The following TEAD1 variants were observed in gnomAD, a reference collection of about 807,000 sequenced individuals.
TEAD1 encodes the protein TEA domain transcription factor 1.
TEAD1 carries 9 observed loss-of-function variants against 54.9 expected under a neutral mutation model. The ratio of observed to expected loss-of-function variants is 0.16; its 90% CI spans 0.10 to 0.29. The LOEUF (loss-of-function observed/expected upper bound fraction) is 0.29, where lower values mean the gene tolerates loss of function less well. Among genes scored for constraint, TEAD1 ranks in the 10% least tolerant of loss-of-function variants. The pLI, the probability that TEAD1 is intolerant of heterozygous loss-of-function variation, is 1.00. For synonymous variants in TEAD1, 200 were observed against 187.8 expected (o/e 1.07, Z -0.53); for missense variants, 387 against 535.9 (o/e 0.72, Z 2.74).
At position 12,889,638 on chromosome 11, in the gene TEAD1, A is replaced by G. The variant is rs1948156476; in HGVS notation, c.699+6513A>G. Among the ~76,000 whole-genome samples, 3 of 152,258 alleles carry G rather than the reference A, an allele frequency of 2.0e-5. No homozygotes were observed. In the South Asian group the frequency reaches 6.2e-4, roughly 32 times the overall value. On this transcript the variant is annotated intron_variant, in intron 9 of 12. Coordinates refer to ENST00000527636, the MANE Select transcript of TEAD1 (RefSeq NM_021961.6). ...GAGGAAGCACTCACTGCCTTGCAGA[A>G]GAGAAGTTCCATGATACAGTAGAGG...
rs113341570 is a variant in TEAD1 at position 12,731,023 on chromosome 11, G to A, written c.-54-33156G>A. Reference sequence around the variant, plus strand: ...GGCCCCTTTCCTACATAGTTCTAACGCATCCTGGAGGCACAGATCTTTTGA... The same window carrying A: ...GGCCCCTTTCCTACATAGTTCTAACACATCCTGGAGGCACAGATCTTTTGA... On this transcript the variant is annotated intron_variant, in intron 2 of 12. Coordinates refer to ENST00000527636, the MANE Select transcript of TEAD1 (RefSeq NM_021961.6). Among the ~76,000 whole-genome samples, 341 of 152,000 alleles carry A rather than the reference G, an allele frequency of 2.2e-3. 1 individual carries two copies. Among genetic ancestry groups the A allele is most frequent in the African/African-American group, 7.4e-3 (307 of 41,470 alleles).
At chr11:12,776,835 T>C (rs1323295357) in intron 3 of TEAD1, among the ~76,000 whole-genome samples, 2 of 151,068 alleles carry the variant, frequency 1.3e-5, no homozygotes, top group Non-Finnish European at 3.0e-5. Flanking sequence ...GTTTTGCTTT[T>C]GTTGCCCAGG....
intron 2 of TEAD1, among the ~76,000 whole-genome samples, chr11:12,680,569 TG>T (rs1943199309): frequency 6.6e-6 from 1 of 152,202 alleles, no homozygotes; most frequent in Admixed American, 6.5e-5. Context: ...CCTCCCCCAC[TG>T]GGCAGCTCCA....
chr11:12,751,173 G>A (rs1179853238), intron 2 of TEAD1, among the ~76,000 whole-genome samples: 3 of 151,778 alleles, frequency 2.0e-5, no homozygotes, highest in Non-Finnish European at 4.4e-5. Context: ...ATGGTAGCAT[G>A]TGCCTGTAGT....
chr11:12,749,033 C>A (rs1944810073), intron 2 of TEAD1, among the ~76,000 whole-genome samples: 1 of 152,108 alleles, frequency 6.6e-6, no homozygotes, highest in African/African-American at 2.4e-5. Flanking sequence ...CCTGGGAATC[C>A]TTTTGGATTT....
At chr11:12,910,750 T>TTC (rs1948602263) in intron 10 of TEAD1, among the ~76,000 whole-genome samples, 1 of 146,300 alleles carries the variant, frequency 6.8e-6, no homozygotes, top group African/African-American at 2.5e-5. Flanking sequence ...TAATTTGCTT[T>TTC]TTTTTTTTTT....
chr11:12,930,573 T>C (rs1421154693), intron 12 of TEAD1, among the ~76,000 whole-genome samples: 7 of 152,146 alleles, frequency 4.6e-5, no homozygotes, highest in Admixed American at 3.9e-4. Flanking sequence ...TGGAATTCAG[T>C]TGGGTAATAA....
chr11:12,889,573 G>T (rs1374089804), intron 9 of TEAD1, among the ~76,000 whole-genome samples: 1 of 152,180 alleles, frequency 6.6e-6, no homozygotes, highest in Non-Finnish European at 1.5e-5. Context: ...AAGAGTTGGG[G>T]GTGGAGAAAG....
chr11:12,856,660 G>T (rs1947388519), intron 3 of TEAD1, among the ~76,000 whole-genome samples: 1 of 152,184 alleles, frequency 6.6e-6, no homozygotes, highest in African/African-American at 2.4e-5. Context: ...CAAGGGAAAT[G>T]AGTTTTCTTT....
chr11:12,805,437 A>G (rs1946149676), intron 3 of TEAD1, among the ~76,000 whole-genome samples: 1 of 152,202 alleles, frequency 6.6e-6, no homozygotes, highest in Non-Finnish European at 1.5e-5. Flanking sequence ...TGTCATAATT[A>G]TATATTGTGG....
chr11:12,738,789 C>T (rs951277764), intron 2 of TEAD1, among the ~76,000 whole-genome samples: 2 of 152,176 alleles, frequency 1.3e-5, no homozygotes, highest in African/African-American at 4.8e-5. Flanking sequence ...CAGCCCCTCC[C>T]TTTTCATCAG....
At position 12,712,193 on chromosome 11, in the gene TEAD1, GTCCA is replaced by G. The variant is rs574149662; in HGVS notation, c.-55+36649_-55+36652del. ...CTCCCTCTTCTCTGTCCGTCTGCCC[GTCCA>G]TCCATCCATCCATCCAATAATTTGA... is the stretch of plus-strand genomic sequence containing the variant. On this transcript the variant is annotated intron_variant, in intron 2 of 12. Coordinates refer to ENST00000527636, the MANE Select transcript of TEAD1 (RefSeq NM_021961.6). Among the ~76,000 whole-genome samples the G allele has an allele frequency of 1.1e-4, 17 of 152,146 alleles. No individual in the cohort carries two copies. In the East Asian group the frequency reaches 3.1e-3, roughly 28 times the overall value.
In TEAD1 at chr11:12,789,180, G is replaced by C. The variant is rs145632702; in HGVS notation, c.202+24746G>C. 5.5e-3 allele frequency among the ~76,000 whole-genome samples: 841 copies of C among 152,220 alleles called. 11 individuals carry two copies. Among genetic ancestry groups the C allele is most frequent in the Middle Eastern group, 0.01 (3 of 294 alleles). On this transcript the variant is annotated intron_variant, in intron 3 of 12. Coordinates refer to ENST00000527636, the MANE Select transcript of TEAD1 (RefSeq NM_021961.6). ...AGATGTAACATTACTACCTCTAGCT[G>C]TATGACTTTGATTTTAGTAAGTCTC...
chr11:12,851,814 A>C (rs1344375808), intron 3 of TEAD1, among the ~76,000 whole-genome samples: 1 of 152,060 alleles, frequency 6.6e-6, no homozygotes, highest in Admixed American at 6.5e-5. Context: ...AAAAAAAAAA[A>C]ACTATTTATT....
At position 12,861,071 on chromosome 11, in the gene TEAD1, A is replaced by G. The variant is rs145735988; in HGVS notation, c.203-1179A>G. Among the ~76,000 whole-genome samples, 53 of 152,362 alleles carry G rather than the reference A, an allele frequency of 3.5e-4. No individual in the cohort carries two copies. The East Asian group carries it at 9.3e-3, about 27-fold the overall frequency. On this transcript the variant is annotated intron_variant, in intron 3 of 12. Transcript: ENST00000527636. ...TACAAAGCCAGCCAACAGTAGTGCT[A>G]TGAAATGGTGGTTTTCCATTTACTG...
rs1045663046 is a variant in TEAD1, at chr11:12,938,311, T to A, written c.*1089T>A. 5 of 152,632 alleles carry A rather than the reference T, an allele frequency of 3.3e-5. No homozygotes were observed. Among genetic ancestry groups the A allele is most frequent in the African/African-American group, 1.2e-4 (5 of 41,464 alleles). 9.5% of individuals were successfully genotyped at this position (152,632 alleles called of 1,614,324 possible). A position where few individuals can be genotyped will look rare whatever the true frequency, so the allele number is the denominator to read the frequency against. ...AGTAAAAGGCTCATCAGTTTTAGCA[T>A]CTCTGCTCCCCAGAAAATTGTAAGC... is the stretch of plus-strand genomic sequence containing the variant. On this transcript the variant is annotated 3_prime_UTR_variant, in exon 13 of 13. Coordinates refer to ENST00000527636, the MANE Select transcript of TEAD1 (RefSeq NM_021961.6).
At chr11:12,759,554 A>G (rs1945059302) in intron 2 of TEAD1, among the ~76,000 whole-genome samples, 1 of 152,190 alleles carries the variant, frequency 6.6e-6, no homozygotes, top group Admixed American at 6.5e-5. Context: ...GGGGCTACAA[A>G]GTATACATAT....
rs74658392 is a variant in TEAD1, at chr11:12,696,139, A to C, written c.-55+20578A>C. ...AAGAAGACAAGATGATACTTTAGGAAAACTTTGTGGATTTAACAAAGGTCG... is the reference window on the plus strand; with the variant it reads ...AAGAAGACAAGATGATACTTTAGGACAACTTTGTGGATTTAACAAAGGTCG... On this transcript the variant is annotated intron_variant, in intron 2 of 12. Transcript: ENST00000527636. Among the ~76,000 whole-genome samples the C allele has an allele frequency of 1.9e-3, 295 of 152,324 alleles. 1 individual carries two copies. Among genetic ancestry groups the C allele is most frequent in the African/African-American group, 6.3e-3 (263 of 41,574 alleles).
chr11:12,881,013 G>T lies in TEAD1; in HGVS notation c.474G>T (p.Pro158=). The stretch of plus-strand genomic sequence containing the variant: ...TGCATTTTGCCTTCCAGTTCTGGCC[G>T]GGAATGATTCAAACAGGGCAGCCAG... The change falls in exon 7 of 13, where the codon CCG becomes CCT. Residue 158 remains proline, a synonymous_variant. Coordinates refer to ENST00000527636, the MANE Select transcript of TEAD1 (RefSeq NM_021961.6). 1 of 1,614,164 alleles carries T rather than the reference G, an allele frequency of 6.2e-7. No individual in the cohort carries two copies. Among genetic ancestry groups the T allele is most frequent in the Non-Finnish European group, 8.5e-7 (1 of 1,180,028 alleles).
Sources: gnomAD v4.1 joint callset for allele counts (sites outside exome capture counted in the v4.1 genomes callset) on GRCh38, gnomAD v4.1.1 for gene constraint, MANE v1.5 for transcripts, NCBI Gene and HGNC (gene_info 2026-07-23, HGNC 2026-07-21) for gene names.